Variants in EPHA6 observed in about 807,000 individuals in gnomAD.
EPHA6 encodes the protein ephrin type-A receptor 6.
A neutral mutation model predicts 112.0 loss-of-function variants in EPHA6; 50 were observed. The observed-to-expected ratio is 0.45, with a 90% confidence interval of 0.36 to 0.56. The LOEUF (loss-of-function observed/expected upper bound fraction) is 0.56. EPHA6 is among the 20% of genes least tolerant of loss of function. The pLI, the probability that EPHA6 is intolerant of heterozygous loss-of-function variation, is 0.00. For missense variants in EPHA6, 1,280 were observed against 1,417.4 expected (o/e 0.90, Z 1.56); for synonymous variants, 529 against 490.7 (o/e 1.08, Z -1.03).
At chr3:97,262,001 A>C (rs538760823) in intron 5 of EPHA6, among the ~76,000 whole-genome samples, 28 of 152,342 alleles carry the variant, frequency 1.8e-4, no homozygotes, top group South Asian at 4.1e-4. Context: ...GTTCTTAGTT[A>C]TAAAACCCTA....
chr3:96,982,217 C>G (rs1018678620), intron 2 of EPHA6, among the ~76,000 whole-genome samples: 7 of 152,180 alleles, frequency 4.6e-5, no homozygotes, highest in African/African-American at 1.7e-4. Flanking sequence ...CCTCTGCACA[C>G]TGCTTTGAAT....
At chr3:97,451,036 CAT>C (rs1251431818) in intron 7 of EPHA6, among the ~76,000 whole-genome samples, 2 of 151,912 alleles carry the variant, frequency 1.3e-5, no homozygotes, top group African/African-American at 2.4e-5. Flanking sequence ...CCTCTAACAA[CAT>C]AAAAAATTTA....
At chr3:97,281,201 A>ATGTGTGTG (rs10547257) in intron 5 of EPHA6, among the ~76,000 whole-genome samples, 449 of 140,562 alleles carry the variant, frequency 3.2e-3, no homozygotes, top group African/African-American at 0.012. Context: ...CAAAGAGTCT[A>ATGTGTGTG]TGTGTGTGTG....
chr3:97,018,041 C>T (rs1200798368), intron 3 of EPHA6, among the ~76,000 whole-genome samples: 1 of 150,948 alleles, frequency 6.6e-6, no homozygotes, highest in African/African-American at 2.4e-5. Flanking sequence ...CCTCACTAAT[C>T]CTTCTTCTGC....
intron 1 of EPHA6, among the ~76,000 whole-genome samples, chr3:96,839,357 G>A (rs965512627): frequency 3.9e-5 from 6 of 152,136 alleles, no homozygotes; most frequent in South Asian, 2.1e-4. Context: ...TGTGTGCTCC[G>A]TATGAGAATC....
intron 3 of EPHA6, among the ~76,000 whole-genome samples, chr3:97,181,999 A>C (rs1157282901): frequency 5.9e-5 from 9 of 151,934 alleles, no homozygotes; most frequent in Non-Finnish European, 1.3e-4. Flanking sequence ...CTTTAATTTA[A>C]ACTTGGAATG....
intron 11 of EPHA6, among the ~76,000 whole-genome samples, chr3:97,546,084 T>C (rs2092943109): frequency 6.6e-6 from 1 of 152,228 alleles, no homozygotes; most frequent in Non-Finnish European, 1.5e-5. Flanking sequence ...AATATTGTTA[T>C]GTGTGAATTT....
intron 6 of EPHA6, among the ~76,000 whole-genome samples, chr3:97,430,217 C>T (rs1291479257): frequency 1.3e-5 from 2 of 151,924 alleles, no homozygotes; most frequent in Admixed American, 1.3e-4. Context: ...TAACTTATAA[C>T]CAGAAACATT....
intron 2 of EPHA6, among the ~76,000 whole-genome samples, chr3:96,897,670 A>G (rs181045733): frequency 6.6e-6 from 1 of 152,348 alleles, no homozygotes; most frequent in East Asian, 1.9e-4. Flanking sequence ...GCAGCTACAT[A>G]TATAGAGAAA....
intron 13 of EPHA6, among the ~76,000 whole-genome samples, chr3:97,620,848 A>T (rs754238865): frequency 1.3e-5 from 2 of 152,060 alleles, no homozygotes; most frequent in Admixed American, 6.6e-5. Flanking sequence ...TGTAACAGAC[A>T]GTGTGGCAAT....
chr3:96,954,154 G>A (rs918825243), intron 2 of EPHA6, among the ~76,000 whole-genome samples: 1 of 152,072 alleles, frequency 6.6e-6, no homozygotes, highest in Non-Finnish European at 1.5e-5. Flanking sequence ...GATTACGGGT[G>A]TGAGCCACCA....
chr3:97,392,252 C>T (rs923764376), intron 5 of EPHA6, among the ~76,000 whole-genome samples: 2 of 151,730 alleles, frequency 1.3e-5, no homozygotes, highest in Middle Eastern at 3.2e-3. Context: ...AAATTATTTT[C>T]CCTTTAAACT....
At chr3:97,249,194 A>G (rs567187927) in intron 5 of EPHA6, among the ~76,000 whole-genome samples, 2 of 152,268 alleles carry the variant, frequency 1.3e-5, no homozygotes, top group African/African-American at 4.8e-5. Context: ...TGTATTTTCC[A>G]TATTTCTTAT....
intron 1 of EPHA6, among the ~76,000 whole-genome samples, chr3:96,859,014 T>C (rs1291298532): frequency 1.3e-5 from 2 of 152,144 alleles, no homozygotes; most frequent in Non-Finnish European, 2.9e-5. Flanking sequence ...CGTTTAAATT[T>C]TATCCAGCAC....
intron 10 of EPHA6, among the ~76,000 whole-genome samples, chr3:97,519,723 T>G (rs1392194141): frequency 6.6e-6 from 1 of 152,146 alleles, no homozygotes; most frequent in Non-Finnish European, 1.5e-5. Flanking sequence ...CCTAGATATT[T>G]TATTTTATAC....
At chr3:97,218,970 G>A (rs141894114) in intron 3 of EPHA6, among the ~76,000 whole-genome samples, 265 of 152,256 alleles carry the variant, frequency 1.7e-3, no homozygotes, top group African/African-American at 6.0e-3. Context: ...CAGGCCTCCT[G>A]TAAGTCTGAA....
intron 14 of EPHA6, among the ~76,000 whole-genome samples, chr3:97,681,029 A>G (rs1388768011): frequency 1.3e-5 from 2 of 152,154 alleles, no homozygotes; most frequent in African/African-American, 4.8e-5. Context: ...ATAAGACATT[A>G]GATTTTTGGA....
chr3:97,616,078 G>A (rs145200273), intron 13 of EPHA6, among the ~76,000 whole-genome samples: 26 of 152,208 alleles, frequency 1.7e-4, no homozygotes, highest in Middle Eastern at 6.8e-3. Flanking sequence ...GTTGGAACTG[G>A]CAACAGATCC....
chr3:97,242,964 C>T (rs2078890523), intron 4 of EPHA6, among the ~76,000 whole-genome samples: 1 of 151,768 alleles, frequency 6.6e-6, no homozygotes, highest in Admixed American at 6.6e-5. Flanking sequence ...AGCATAGTGT[C>T]TGGCTCCTAG....
Sources: gnomAD v4.1 joint callset for allele counts (sites outside exome capture counted in the v4.1 genomes callset) on GRCh38, gnomAD v4.1.1 for gene constraint, MANE v1.5 for transcripts, NCBI Gene and HGNC (gene_info 2026-07-23, HGNC 2026-07-21) for gene names.